Variants in NCOA3 observed in about 807,000 individuals in gnomAD.
NCOA3 encodes nuclear receptor coactivator 3, also known as CBP-interacting protein.
NCOA3 carries 51 observed loss-of-function variants against 158.8 expected under a neutral mutation model. The ratio of observed to expected loss-of-function variants is 0.32; its 90% CI spans 0.26 to 0.41. The LOEUF is 0.41. Among genes scored for constraint, NCOA3 ranks in the 10% least tolerant of loss-of-function variants. The probability of loss-of-function intolerance (pLI) is 1.00; values close to 1 mark genes in which losing one functional copy is unlikely to be tolerated. For missense variants in NCOA3, 1,510 were observed against 1,746.6 expected (o/e 0.86, Z 2.41); for synonymous variants, 537 against 592.4 (o/e 0.91, Z 1.36).
At chr20:47,544,316 CTTT>C (rs397866275) in intron 1 of NCOA3, among the ~76,000 whole-genome samples, 5 of 99,702 alleles carry the variant, frequency 5.0e-5, no homozygotes, top group African/African-American at 1.9e-4. Context: ...TTTAATACTA[CTTT>C]TTTTTTTTTT....
In NCOA3 at chr20:47,635,513, G is replaced by A; in HGVS notation, c.1304G>A (p.Gly435Asp). The part of the protein sequence containing the change: ...TGQMSGARYG[G>D]SSNIASLTPG... ...CAGATGAGTGGAGCTAGGTATGGGG[G>A]TTCCAGTAACATAGCTTCATTGACC... is the stretch of plus-strand genomic sequence containing the variant. Residue 435 changes from glycine to aspartate, a missense_variant, in exon 11 of 23, where the codon GGT (glycine) becomes GAT (aspartate). Coordinates refer to ENST00000371998, the MANE Select transcript of NCOA3 (RefSeq NM_181659.3). The A allele has an allele frequency of 6.2e-7, 1 of 1,614,060 alleles. No homozygotes were observed. The highest frequency in any genetic ancestry group is 8.5e-7 in the Non-Finnish European group (1 of 1,180,020).
chr20:47,636,036 C>G lies in NCOA3; in HGVS notation c.1650C>G (p.Asn550Lys), dbSNP rs780207697. The stretch of plus-strand genomic sequence containing the variant: ...CATCACCAGGCCCCAAATTGGATAA[C>G]TCTCCCAATATGAATATTACCCAAC... ...TLSSPGPKLD[N>K]SPNMNITQPS... Residue 550 changes from asparagine (N) to lysine (K), a missense_variant, in exon 12 of 23, where the codon AAC becomes AAG. Transcript: ENST00000371998. 5.6e-6 allele frequency: 9 copies of G among 1,613,990 alleles called. No individual in the cohort carries two copies. The Admixed American group carries it at 1.0e-4, about 18-fold the overall frequency.
intron 1 of NCOA3, among the ~76,000 whole-genome samples, chr20:47,546,455 G>A (rs1454043628): frequency 6.6e-6 from 1 of 151,410 alleles, no homozygotes; most frequent in Non-Finnish European, 1.5e-5. Flanking sequence ...ACTATGTAGA[G>A]GTTTCTTATT....
chr20:47,566,922 C>T (rs914204161), intron 1 of NCOA3, among the ~76,000 whole-genome samples: 7 of 151,808 alleles, frequency 4.6e-5, no homozygotes, highest in Admixed American at 2.6e-4. Context: ...AGTTGGAAGC[C>T]AGCCTGGGCA....
intron 5 of NCOA3, 39 bp downstream of exon 5, chr20:47,625,520 G>A: frequency 7.5e-7 from 1 of 1,334,158 alleles, no homozygotes; most frequent in Non-Finnish European, 1.1e-6. Context: ...AGGCTGTATT[G>A]CCCTTTGGTT....
chr20:47,581,368 CATGTA>C (rs2085450472), intron 1 of NCOA3, among the ~76,000 whole-genome samples: 1 of 152,180 alleles, frequency 6.6e-6, no homozygotes, highest in Non-Finnish European at 1.5e-5. Context: ...TTGTGAGCCA[CATGTA>C]ATGTGCCTCC....
intron 1 of NCOA3, among the ~76,000 whole-genome samples, chr20:47,502,383 C>G (rs540264359): frequency 8.3e-4 from 126 of 152,236 alleles, no homozygotes; most frequent in African/African-American, 2.9e-3. Flanking sequence ...TCCCCCAGCC[C>G]TTTTGAAAGC....
chr20:47,535,947 A>G (rs1453174979), intron 1 of NCOA3, among the ~76,000 whole-genome samples: 3 of 151,992 alleles, frequency 2.0e-5, no homozygotes, highest in African/African-American at 7.2e-5. Context: ...CCCCTATCAA[A>G]TTCTGCATCA....
At chr20:47,548,888 G>A (rs565315702) in intron 1 of NCOA3, among the ~76,000 whole-genome samples, 2 of 152,046 alleles carry the variant, frequency 1.3e-5, no homozygotes, top group South Asian at 2.1e-4. Context: ...AAAATCAATA[G>A]CATTTTAAAG....
chr20:47,514,092 T>C (rs1336168034), intron 1 of NCOA3, among the ~76,000 whole-genome samples: 1 of 152,148 alleles, frequency 6.6e-6, no homozygotes, highest in Non-Finnish European at 1.5e-5. Flanking sequence ...TGTGTACCTG[T>C]AATTTATTTC....
At chr20:47,516,086 C>T (rs1184748976) in intron 1 of NCOA3, among the ~76,000 whole-genome samples, 2 of 152,110 alleles carry the variant, frequency 1.3e-5, no homozygotes, top group Admixed American at 1.3e-4. Context: ...TGAAACTACT[C>T]TGTATGATAG....
chr20:47,589,412 G>C (rs1210538445), intron 2 of NCOA3, among the ~76,000 whole-genome samples: 1 of 152,034 alleles, frequency 6.6e-6, no homozygotes, highest in Non-Finnish European at 1.5e-5. Context: ...GTCTCGCTCT[G>C]TCACTCAGGC....
intron 2 of NCOA3, among the ~76,000 whole-genome samples, chr20:47,601,962 A>G (rs1192041790): frequency 3.3e-5 from 5 of 152,240 alleles, no homozygotes; most frequent in African/African-American, 1.2e-4. Context: ...ATGTGCACAC[A>G]TGCTCAACAT....
chr20:47,618,311 C>T (rs1022828705), intron 2 of NCOA3, among the ~76,000 whole-genome samples: 12 of 149,280 alleles, frequency 8.0e-5, no homozygotes, highest in African/African-American at 2.7e-4. Context: ...TTCGGGTAAA[C>T]ACCTTTTTCA....
chr20:47,573,342 G>A (rs1250106364), intron 1 of NCOA3, among the ~76,000 whole-genome samples: 2 of 152,110 alleles, frequency 1.3e-5, no homozygotes, highest in South Asian at 4.1e-4. Context: ...GCAGTGAGCC[G>A]AGAGCTGAGA....
intron 1 of NCOA3, among the ~76,000 whole-genome samples, chr20:47,516,131 G>A (rs1338316031): frequency 6.6e-6 from 1 of 152,132 alleles, no homozygotes; most frequent in Non-Finnish European, 1.5e-5. Context: ...GTTATAAATT[G>A]TTCCAAACTC....
chr20:47,638,015 A>G (rs2086543951), intron 13 of NCOA3, among the ~76,000 whole-genome samples: 1 of 152,210 alleles, frequency 6.6e-6, no homozygotes, highest in African/African-American at 2.4e-5. Flanking sequence ...GCCAGTAATC[A>G]TGGCACTTAT....
intron 12 of NCOA3, among the ~76,000 whole-genome samples, chr20:47,636,966 C>T (rs1048575807): frequency 1.3e-5 from 2 of 151,782 alleles, no homozygotes; most frequent in African/African-American, 4.8e-5. Flanking sequence ...GTGACTATAA[C>T]TCTTTAGTAG....
chr20:47,594,855 G>A (rs1312222500), intron 2 of NCOA3, among the ~76,000 whole-genome samples: 4 of 140,802 alleles, frequency 2.8e-5, no homozygotes, highest in African/African-American at 1.1e-4. Context: ...GCAGTACCGC[G>A]ATCTCAGCTC....
Sources: gnomAD v4.1 joint callset for allele counts (sites outside exome capture counted in the v4.1 genomes callset) on GRCh38, gnomAD v4.1.1 for gene constraint, MANE v1.5 for transcripts, NCBI Gene and HGNC (gene_info 2026-07-23, HGNC 2026-07-21) for gene names.